Variants in YIPF4 observed in about 807,000 individuals in gnomAD.
The protein encoded by YIPF4 is Yip1 domain family member 4.
A neutral mutation model predicts 29.4 loss-of-function variants in YIPF4; 18 were observed. That is an observed-to-expected ratio of 0.61 (90% CI 0.42 to 0.91). YIPF4 has a LOEUF of 0.91. YIPF4 is among the 40% of genes least tolerant of loss of function. The probability of loss-of-function intolerance (pLI) is 0.00; values close to 1 mark genes in which losing one functional copy is unlikely to be tolerated. For synonymous variants in YIPF4, 115 were observed against 104.7 expected (o/e 1.10, Z -0.60); for missense variants, 279 against 282.7 (o/e 0.99, Z 0.09).
chr2:32,306,570 G>A lies in YIPF4; in HGVS notation c.*944G>A, dbSNP rs1025945203. On this transcript the variant is annotated 3_prime_UTR_variant, in exon 6 of 6. Coordinates refer to ENST00000238831, the MANE Select transcript of YIPF4 (RefSeq NM_032312.4). Reference sequence around the variant, plus strand: ...AGAAAAAATAAAATACTTCCCAGTTGTGTGTTTTGTTTTACAGCACCATGT... The same window carrying A: ...AGAAAAAATAAAATACTTCCCAGTTATGTGTTTTGTTTTACAGCACCATGT... The A allele has an allele frequency of 1.0e-6, 1 of 985,122 alleles. No individual in the cohort carries two copies. Among genetic ancestry groups the A allele is most frequent in the African/African-American group, 1.7e-5 (1 of 57,214 alleles). The allele number at this position is 985,122 out of a possible 1,614,324, so 61.0% of individuals were successfully genotyped here. A position where few individuals can be genotyped will look rare whatever the true frequency, so the allele number is the denominator to read the frequency against.
At chr2:32,293,052 ATT>A (rs1322265510) in intron 3 of YIPF4, among the ~76,000 whole-genome samples, 1 of 129,714 alleles carries the variant, frequency 7.7e-6, no homozygotes, top group African/African-American at 2.7e-5. Context: ...TTTTATTTTT[ATT>A]TTTATTTTTT....
In YIPF4 at chr2:32,311,008, AT is replaced by A. The variant is rs1171498797; in HGVS notation, c.*5383del. ...GAATCTCTTGACACTCTTCAAGTAA[AT>A]CCCTAAATTACAACTTTGACATCAA... On this transcript the variant is annotated 3_prime_UTR_variant, in exon 6 of 6. Transcript: ENST00000238831. The A allele has an allele frequency of 2.6e-5, 4 of 152,148 alleles. No homozygotes were observed. Among genetic ancestry groups the A allele is most frequent in the Non-Finnish European group, 4.4e-5 (3 of 68,040 alleles). The allele number at this position is 152,148 out of a possible 1,614,324, so 9.4% of individuals were successfully genotyped here.
At chr2:32,291,636 G>A (rs773362176) in intron 2 of YIPF4, among the ~76,000 whole-genome samples, 1 of 152,144 alleles carries the variant, frequency 6.6e-6, no homozygotes, top group Non-Finnish European at 1.5e-5. Context: ...ACAGAAAAGT[G>A]CGTAAGACGG....
intron 1 of YIPF4, among the ~76,000 whole-genome samples, chr2:32,288,505 CTTG>C (rs2030776965): frequency 1.3e-5 from 2 of 152,094 alleles, no homozygotes; most frequent in Admixed American, 1.3e-4. Context: ...AAATCTTCTT[CTTG>C]TTAAGAAAAA....
At chr2:32,290,998 C>G (rs1019824120) in intron 2 of YIPF4, 3 of 152,976 alleles carry the variant, frequency 2.0e-5, no homozygotes, top group Non-Finnish European at 4.4e-5. Flanking sequence ...GATTACCACT[C>G]CAAAATCTCT....
chr2:32,312,247 G>T lies in YIPF4; in HGVS notation c.*6621G>T, dbSNP rs1174679934. ...CTCACGCCTGTAATCCCAGCACTTT[G>T]GGAGGCCGAGGTGGGCGGACCACGA... On this transcript the variant is annotated 3_prime_UTR_variant, in exon 6 of 6. Transcript: ENST00000238831. 1 of 151,868 alleles carries T rather than the reference G, an allele frequency of 6.6e-6. No homozygotes were observed. Among genetic ancestry groups the T allele is most frequent in the Admixed American group, 6.6e-5 (1 of 15,234 alleles). 9.4% of individuals were successfully genotyped at this position (151,868 alleles called of 1,614,324 possible).
intron 2 of YIPF4, among the ~76,000 whole-genome samples, chr2:32,291,458 C>A (rs1003166330): frequency 9.9e-5 from 15 of 152,130 alleles, no homozygotes; most frequent in Non-Finnish European, 1.0e-4. Flanking sequence ...GCATGAGAAT[C>A]GCTTGAACCC....
chr2:32,294,769 T>C (rs2031101268), intron 3 of YIPF4, among the ~76,000 whole-genome samples: 1 of 152,202 alleles, frequency 6.6e-6, no homozygotes, highest in Non-Finnish European at 1.5e-5. Flanking sequence ...CACTCCAGCC[T>C]GGGCACCATT....
chr2:32,294,897 TCCA>T (rs1348871065), intron 3 of YIPF4, among the ~76,000 whole-genome samples: 1 of 152,252 alleles, frequency 6.6e-6, no homozygotes, highest in East Asian at 1.9e-4. Flanking sequence ...AAACCCCGTC[TCCA>T]CCAAAAAAAT....
chr2:32,300,206 T>G (rs1021058534), intron 4 of YIPF4, among the ~76,000 whole-genome samples: 4 of 147,586 alleles, frequency 2.7e-5, no homozygotes, highest in Non-Finnish European at 6.0e-5. Flanking sequence ...GCGGAGGTTG[T>G]GGTGAGCCAT....
chr2:32,298,184 A>G (rs779219382), intron 3 of YIPF4, 50 bp from the exon 4 acceptor site: 2 of 1,394,880 alleles, frequency 1.4e-6, no homozygotes, highest in Admixed American at 1.8e-5. Flanking sequence ...CTGGAAAATT[A>G]TCATCTTATT....
intron 4 of YIPF4, 150 bp downstream of exon 4, chr2:32,298,461 G>A (rs1178912243): frequency 1.9e-6 from 1 of 527,384 alleles, no homozygotes; most frequent in Non-Finnish European, 3.3e-6. Flanking sequence ...TATTAGTATT[G>A]TGCTTACTCA....
At chr2:32,291,252 C>T (rs1047114101) in intron 2 of YIPF4, among the ~76,000 whole-genome samples, 7 of 152,194 alleles carry the variant, frequency 4.6e-5, no homozygotes, top group African/African-American at 1.4e-4. Flanking sequence ...CACCATATAT[C>T]GGCCAGGCAT....
intron 5 of YIPF4, among the ~76,000 whole-genome samples, chr2:32,304,549 G>A (rs561710127): frequency 4.3e-4 from 66 of 152,142 alleles, no homozygotes; most frequent in South Asian, 2.1e-3. Flanking sequence ...TTGTCCCCCA[G>A]GGGACATTTG....
intron 4 of YIPF4, among the ~76,000 whole-genome samples, chr2:32,301,034 T>C (rs2031386205): frequency 6.6e-6 from 1 of 152,188 alleles, no homozygotes; most frequent in Non-Finnish European, 1.5e-5. Context: ...CTGAATGGGA[T>C]GGTTGTAGTC....
intron 1 of YIPF4, among the ~76,000 whole-genome samples, chr2:32,287,509 T>C (rs2030729371): frequency 6.6e-6 from 1 of 152,208 alleles, no homozygotes; most frequent in Non-Finnish European, 1.5e-5. Flanking sequence ...CATTGTTTAT[T>C]GCAGGATACT....
In YIPF4 at chr2:32,277,937, C is replaced by T. The variant is rs1573518972; in HGVS notation, c.-219C>T. 7.6e-6 allele frequency: 4 copies of T among 526,500 alleles called. No homozygotes were observed. The highest frequency in any genetic ancestry group is 8.0e-5 in the Admixed American group (2 of 25,048). 32.6% of individuals were successfully genotyped at this position (526,500 alleles called of 1,614,324 possible). On this transcript the variant is annotated 5_prime_UTR_variant, in exon 1 of 6. Coordinates refer to ENST00000238831, the MANE Select transcript of YIPF4 (RefSeq NM_032312.4). ...TATGGTCCTGTCAGGGTGCCGGCGTCGTGGTGCTTGGGTGGTCGCCACCAA... is the reference window on the plus strand; with the variant it reads ...TATGGTCCTGTCAGGGTGCCGGCGTTGTGGTGCTTGGGTGGTCGCCACCAA...
In YIPF4 at chr2:32,278,439, A is replaced by G. The variant is rs568356844; in HGVS notation, c.79+205A>G. The stretch of plus-strand genomic sequence containing the variant: ...GTAGGGAGCTGCTTTTTAAAGCATC[A>G]AGTTACTCGGTCAGCCCTTGGTTTT... On this transcript the variant is annotated intron_variant, in intron 1 of 5. Transcript: ENST00000238831. Among the ~76,000 whole-genome samples the G allele has an allele frequency of 8.5e-5, 13 of 152,052 alleles. No homozygotes were observed. The South Asian group carries it at 2.7e-3, about 32-fold the overall frequency.
In YIPF4 at chr2:32,313,218, A is replaced by T. The variant is rs1357583191; in HGVS notation, c.*7592A>T. 6.6e-6 allele frequency: 1 copy of T among 152,182 alleles called. No individual in the cohort carries two copies. Among genetic ancestry groups the T allele is most frequent in the African/African-American group, 2.4e-5 (1 of 41,442 alleles). The allele number at this position is 152,182 out of a possible 1,614,324, so 9.4% of individuals were successfully genotyped here. ...AGTTAACTAGGCAAAGAAGGTAGGG[A>T]AGACTCTTTCAGATAGAATCGCAGT... On this transcript the variant is annotated 3_prime_UTR_variant, in exon 6 of 6. Transcript: ENST00000238831.
Sources: gnomAD v4.1 joint callset for allele counts (sites outside exome capture counted in the v4.1 genomes callset) on GRCh38, gnomAD v4.1.1 for gene constraint, MANE v1.5 for transcripts, NCBI Gene and HGNC (gene_info 2026-07-23, HGNC 2026-07-21) for gene names.